DTNBP1: variants seen among roughly 807,000 people sequenced by gnomAD.
The protein encoded by DTNBP1 is dysbindin.
DTNBP1 carries 35 observed loss-of-function variants against 42.8 expected under a neutral mutation model. That is an observed-to-expected ratio of 0.82 (90% CI 0.63 to 1.09). The LOEUF (loss-of-function observed/expected upper bound fraction) is 1.09. DTNBP1 is among the 50% of genes least tolerant of loss of function. The pLI, the probability that DTNBP1 is intolerant of heterozygous loss-of-function variation, is 0.00. For synonymous variants in DTNBP1, 171 were observed against 162.2 expected (o/e 1.05, Z -0.41); for missense variants, 457 against 424.2 (o/e 1.08, Z -0.68).
At chr6:15,628,855 A>G (rs1759516699) in intron 4 of DTNBP1, among the ~76,000 whole-genome samples, 1 of 152,204 alleles carries the variant, frequency 6.6e-6, no homozygotes, top group Non-Finnish European at 1.5e-5. Context: ...TTGTTCGTAC[A>G]TTTCACTATA....
chr6:15,596,002 G>A (rs74560593), intron 6 of DTNBP1, among the ~76,000 whole-genome samples: 4,386 of 152,296 alleles, frequency 0.029, 85 homozygotes, highest in South Asian at 0.052. Flanking sequence ...ATACTGGCAA[G>A]GGAGAGAATA....
intron 6 of DTNBP1, among the ~76,000 whole-genome samples, chr6:15,600,526 G>T (rs1222595197): frequency 6.6e-6 from 1 of 151,942 alleles, no homozygotes; most frequent in East Asian, 1.9e-4. Flanking sequence ...ATCTACATTT[G>T]GGAAAAAATG....
intron 3 of DTNBP1, among the ~76,000 whole-genome samples, chr6:15,650,455 A>G (rs969796168): frequency 6.6e-6 from 1 of 151,776 alleles, no homozygotes; most frequent in African/African-American, 2.4e-5. Context: ...TAATTTTTGT[A>G]TTTTTAGTAA....
chr6:15,617,701 G>T (rs4712254), intron 5 of DTNBP1, among the ~76,000 whole-genome samples: 98,823 of 151,866 alleles, frequency 0.65, 32,919 homozygotes, highest in African/African-American at 0.78. Flanking sequence ...GACCCCTAAC[G>T]TTCACCCTAT....
rs559490312 is a variant in DTNBP1 at position 15,627,709 on chromosome 6, G to GA, written c.223-235dup. On this transcript the variant is annotated intron_variant, in intron 4 of 9. Coordinates refer to ENST00000344537, the MANE Select transcript of DTNBP1 (RefSeq NM_032122.5). ...TCAGTGCATCTTAACCCACAGAAGAGAAAGTTTAAAAATGACTTCAGAAGT... is the reference window on the plus strand; with the variant it reads ...TCAGTGCATCTTAACCCACAGAAGAGAAAAGTTTAAAAATGACTTCAGAAGT... 1.0e-4 allele frequency among the ~76,000 whole-genome samples: 15 copies of GA among 150,388 alleles called. No individual in the cohort carries two copies. In the East Asian group the frequency reaches 2.8e-3, roughly 28 times the overall value.
intron 4 of DTNBP1, among the ~76,000 whole-genome samples, chr6:15,633,037 T>C (rs1163212083): frequency 6.6e-6 from 1 of 152,250 alleles, no homozygotes; most frequent in African/African-American, 2.4e-5. Context: ...CAAATACAAT[T>C]GTTAGAACAT....
intron 7 of DTNBP1, among the ~76,000 whole-genome samples, chr6:15,560,841 T>A (rs984622269): frequency 1.4e-4 from 21 of 152,198 alleles, no homozygotes; most frequent in Non-Finnish European, 2.6e-4. Flanking sequence ...GGCTCAAACC[T>A]TTAATAAGAA....
intron 7 of DTNBP1, among the ~76,000 whole-genome samples, chr6:15,576,626 A>G (rs1775584287): frequency 6.6e-6 from 1 of 151,924 alleles, no homozygotes. Flanking sequence ...AAAATTAGGT[A>G]GGCATGGAGG....
chr6:15,595,150 T>G (rs986547470), intron 6 of DTNBP1: 8 of 455,768 alleles, frequency 1.8e-5, no homozygotes, highest in African/African-American at 1.6e-4. Flanking sequence ...AAACTTCCCT[T>G]CAGAAAATCA....
intron 5 of DTNBP1, among the ~76,000 whole-genome samples, chr6:15,623,312 G>A (rs1382234169): frequency 6.6e-6 from 1 of 152,158 alleles, no homozygotes; most frequent in Admixed American, 6.5e-5. Flanking sequence ...TATCAGGCTA[G>A]GTCAAACCAA....
chr6:15,566,293 C>T (rs1024031769), intron 7 of DTNBP1, among the ~76,000 whole-genome samples: 16 of 134,224 alleles, frequency 1.2e-4, no homozygotes, highest in South Asian at 4.7e-4. Flanking sequence ...CCAGCCTGGG[C>T]GACAGAGCGA....
chr6:15,602,803 G>C, intron 6 of DTNBP1, among the ~76,000 whole-genome samples: 1 of 152,110 alleles, frequency 6.6e-6, no homozygotes, highest in East Asian at 1.9e-4. Context: ...CCACCTCAAA[G>C]ATACACTTTA....
chr6:15,578,083 T>C (rs1246318927), intron 7 of DTNBP1, among the ~76,000 whole-genome samples: 1 of 152,212 alleles, frequency 6.6e-6, no homozygotes, highest in Non-Finnish European at 1.5e-5. Flanking sequence ...AGGACAACGC[T>C]GCCAGAGCAA....
chr6:15,566,701 CTTTT>C (rs368168358), intron 7 of DTNBP1, among the ~76,000 whole-genome samples: 2 of 132,968 alleles, frequency 1.5e-5, no homozygotes, highest in Non-Finnish European at 3.2e-5. Flanking sequence ...AATGAATCTC[CTTTT>C]TTTTTTTTTT....
At chr6:15,631,334 A>G (rs1759682654) in intron 4 of DTNBP1, among the ~76,000 whole-genome samples, 2 of 152,182 alleles carry the variant, frequency 1.3e-5, no homozygotes, top group Admixed American at 1.3e-4. Context: ...ATTATACAAA[A>G]ATTTAAGATC....
intron 6 of DTNBP1, among the ~76,000 whole-genome samples, chr6:15,606,846 G>A (rs904574699): frequency 3.9e-5 from 6 of 152,076 alleles, no homozygotes; most frequent in Non-Finnish European, 5.9e-5. Flanking sequence ...ATTTTTAAGC[G>A]ACTCATCTCT....
chr6:15,532,398 A>C (rs1772907498), intron 8 of DTNBP1, among the ~76,000 whole-genome samples: 1 of 152,228 alleles, frequency 6.6e-6, no homozygotes, highest in South Asian at 2.1e-4. Flanking sequence ...AAACTGGTGG[A>C]ATATATTAGG....
intron 3 of DTNBP1, among the ~76,000 whole-genome samples, chr6:15,645,812 C>T (rs989082315): frequency 2.6e-5 from 4 of 152,050 alleles, no homozygotes; most frequent in African/African-American, 9.7e-5. Context: ...CCATATATGA[C>T]AAACCCACAG....
At chr6:15,612,089 G>A (rs777253898) in intron 6 of DTNBP1, among the ~76,000 whole-genome samples, 16 of 152,278 alleles carry the variant, frequency 1.1e-4, no homozygotes, top group African/African-American at 3.6e-4. Flanking sequence ...AATCGATGTA[G>A]CAAACTTCAT....
Sources: gnomAD v4.1 joint callset for allele counts (sites outside exome capture counted in the v4.1 genomes callset) on GRCh38, gnomAD v4.1.1 for gene constraint, MANE v1.5 for transcripts, NCBI Gene and HGNC (gene_info 2026-07-23, HGNC 2026-07-21) for gene names.